SLC25A48: variants seen among roughly 807,000 people sequenced by gnomAD.
SLC25A48 encodes the protein CTC-321K16.1.
A neutral mutation model predicts 32.2 loss-of-function variants in SLC25A48; 29 were observed. The observed-to-expected ratio is 0.90, with a 90% CI of 0.67 to 1.23. The LOEUF is 1.23. SLC25A48 is among the 50% of genes most tolerant of loss of function. The pLI is 0.00. For synonymous variants in SLC25A48, 164 were observed against 172.3 expected (o/e 0.95, Z 0.38); for missense variants, 399 against 422.7 (o/e 0.94, Z 0.49).
At chr5:135,697,672 TGCCA>T (rs1377786059) in intron 3 of SLC25A48, among the ~76,000 whole-genome samples, 1 of 152,132 alleles carries the variant, frequency 6.6e-6, no homozygotes, top group Non-Finnish European at 1.5e-5. Context: ...ATGTCAGATG[TGCCA>T]GCAGAGCCAG....
intron 3 of SLC25A48, chr5:135,650,412 C>T (rs1753080902): frequency 2.2e-6 from 1 of 456,020 alleles, no homozygotes; most frequent in Non-Finnish European, 4.4e-6. Flanking sequence ...ATGATGCTTC[C>T]TTCACATGGG....
At chr5:135,866,997 C>T (rs543928826) in intron 4 of SLC25A48, among the ~76,000 whole-genome samples, 38 of 152,100 alleles carry the variant, frequency 2.5e-4, no homozygotes, top group South Asian at 6.2e-4. Flanking sequence ...TTTTGAGGTA[C>T]GTAATCCATA....
At chr5:135,677,156 T>C (rs1417110274) in intron 3 of SLC25A48, among the ~76,000 whole-genome samples, 1 of 152,034 alleles carries the variant, frequency 6.6e-6, no homozygotes, top group Non-Finnish European at 1.5e-5. Context: ...TACATAAATA[T>C]TTAGGATTGT....
At chr5:135,880,280 G>C in intron 7 of SLC25A48, 183 bp downstream of exon 7, 3 of 870,936 alleles carry the variant, frequency 3.4e-6, no homozygotes, top group Non-Finnish European at 5.1e-6. Context: ...GCCCACCAGT[G>C]ACTGGTGGTG....
intron 3 of SLC25A48, among the ~76,000 whole-genome samples, chr5:135,764,421 T>C (rs1756148858): frequency 1.3e-5 from 2 of 151,760 alleles, no homozygotes; most frequent in Admixed American, 1.3e-4. Flanking sequence ...TGGTTCGTAA[T>C]ATCCAGGAGG....
chr5:135,758,981 C>T (rs926805800), intron 3 of SLC25A48, among the ~76,000 whole-genome samples: 8 of 151,154 alleles, frequency 5.3e-5, no homozygotes, highest in Non-Finnish European at 8.9e-5. Flanking sequence ...AGCATTAATG[C>T]ATTGTGATAT....
chr5:135,601,390 T>C (rs530836928), intron 1 of SLC25A48, among the ~76,000 whole-genome samples: 2 of 152,308 alleles, frequency 1.3e-5, no homozygotes, highest in Admixed American at 6.5e-5. Flanking sequence ...GCTGCCATCC[T>C]GGGGAATCTG....
At chr5:135,883,368 C>T (rs570694894) in intron 7 of SLC25A48, 3 of 985,376 alleles carry the variant, frequency 3.0e-6, no homozygotes, top group African/African-American at 1.7e-5. Context: ...GACCCTCCCC[C>T]CATGGCCATT....
At chr5:135,864,142 G>A (rs776333072) in intron 4 of SLC25A48, among the ~76,000 whole-genome samples, 8 of 152,106 alleles carry the variant, frequency 5.3e-5, no homozygotes, top group Non-Finnish European at 7.3e-5. Flanking sequence ...GCCAAGAGGG[G>A]TCTCAGCCAC....
chr5:135,583,233 A>G (rs1241362040), intron 1 of SLC25A48, among the ~76,000 whole-genome samples: 1 of 151,468 alleles, frequency 6.6e-6, no homozygotes, highest in Non-Finnish European at 1.5e-5. Flanking sequence ...TGGGGAGTCC[A>G]TATTCCCAGG....
chr5:135,694,851 T>G (rs1193851758), intron 3 of SLC25A48, among the ~76,000 whole-genome samples: 4 of 152,174 alleles, frequency 2.6e-5, no homozygotes, highest in Admixed American at 2.6e-4. Context: ...CCTCCCAAAG[T>G]GCTGAGATTA....
At chr5:135,680,436 A>G (rs1204979089) in intron 3 of SLC25A48, among the ~76,000 whole-genome samples, 1 of 152,236 alleles carries the variant, frequency 6.6e-6, no homozygotes, top group African/African-American at 2.4e-5. Flanking sequence ...TGAATTTGTG[A>G]TAAAATTTAG....
intron 1 of SLC25A48, among the ~76,000 whole-genome samples, chr5:135,597,982 T>C (rs865810975): frequency 2.0e-4 from 31 of 151,538 alleles, no homozygotes; most frequent in African/African-American, 7.5e-4. Flanking sequence ...TCAGCCTGGG[T>C]GACAGAGTGA....
At chr5:135,671,389 G>T (rs945773298) in intron 3 of SLC25A48, among the ~76,000 whole-genome samples, 5 of 152,194 alleles carry the variant, frequency 3.3e-5, no homozygotes, top group African/African-American at 9.7e-5. Context: ...TAGCCTCTAG[G>T]TTTGCACAAT....
At chr5:135,685,054 T>G (rs1753986316) in intron 3 of SLC25A48, among the ~76,000 whole-genome samples, 1 of 152,192 alleles carries the variant, frequency 6.6e-6, no homozygotes, top group African/African-American at 2.4e-5. Context: ...TTTCCTGACC[T>G]TTGCCTGCAT....
intron 3 of SLC25A48, among the ~76,000 whole-genome samples, chr5:135,735,194 T>A (rs1449825479): frequency 6.6e-6 from 1 of 152,094 alleles, no homozygotes; most frequent in Non-Finnish European, 1.5e-5. Flanking sequence ...GGTTTAGGTG[T>A]TTGGAAGTTC....
intron 3 of SLC25A48, among the ~76,000 whole-genome samples, chr5:135,705,141 C>A (rs897321559): frequency 6.6e-6 from 1 of 152,236 alleles, no homozygotes; most frequent in Non-Finnish European, 1.5e-5. Flanking sequence ...GTCCTCCCTG[C>A]GGGCCTGTTC....
At chr5:135,720,313 T>C (rs1162711190) in intron 3 of SLC25A48, among the ~76,000 whole-genome samples, 1 of 144,168 alleles carries the variant, frequency 6.9e-6, no homozygotes, top group African/African-American at 2.5e-5. Flanking sequence ...TTGAAGCAAA[T>C]GTGGAAGCCC....
At chr5:135,591,735 C>T (rs976707014) in intron 1 of SLC25A48, among the ~76,000 whole-genome samples, 3 of 152,164 alleles carry the variant, frequency 2.0e-5, no homozygotes, top group Admixed American at 6.5e-5. Flanking sequence ...TTTCAAGGAG[C>T]GGTTCTGGGA....
Sources: allele counts gnomAD v4.1 joint callset (sites outside exome capture counted in the v4.1 genomes callset), GRCh38; gene constraint gnomAD v4.1.1; transcripts MANE v1.5; gene names NCBI Gene and HGNC (gene_info 2026-07-23, HGNC 2026-07-21).